CDKL5: variants seen among roughly 807,000 people sequenced by gnomAD.
CDKL5 encodes the protein cyclin dependent kinase like 5.
Under a neutral mutation model 61.7 loss-of-function variants are expected in CDKL5, and 8 were observed. The ratio of observed to expected loss-of-function variants is 0.13; its 90% CI spans 0.08 to 0.23. The LOEUF (loss-of-function observed/expected upper bound fraction) is 0.23. Ranked by LOEUF, CDKL5 falls within the 10% of genes least tolerant of loss-of-function variation. The pLI, the probability that CDKL5 is intolerant of heterozygous loss-of-function variation, is 1.00. For synonymous variants in CDKL5, 275 were observed against 272.3 expected (o/e 1.01, Z -0.10); for missense variants, 440 against 734.5 (o/e 0.60, Z 4.63).
intron 1 of CDKL5, among the ~76,000 whole-genome samples, chrX:18,492,615 C>G (rs1189667403): frequency 9.0e-6 from 1 of 111,508 alleles, no homozygotes; most frequent in Non-Finnish European, 1.9e-5. Context: ...TCCTTGCCTC[C>G]TCTTTCCCTC....
intron 12 of CDKL5, among the ~76,000 whole-genome samples, chrX:18,605,376 T>C (rs1926328512): frequency 8.9e-6 from 1 of 112,453 alleles, no homozygotes; most frequent in Non-Finnish European, 1.9e-5. Flanking sequence ...GGATAAATGT[T>C]AGTTTTCAGT....
At chrX:18,627,471 T>C (rs1173654762) in intron 17 of CDKL5, 1 of 111,673 alleles carries the variant, frequency 9.0e-6, no homozygotes, top group Non-Finnish European at 1.9e-5. Context: ...GTGCTTTCCA[T>C]GTCTCTTCCG....
chrX:18,595,283 C>CA, intron 9 of CDKL5, 65 bp from the exon 10 acceptor site: 1 of 759,882 alleles, frequency 1.3e-6, no homozygotes, highest in Non-Finnish European at 2.1e-6. Context: ...CTGCAACACT[C>CA]ACAAGCACGT....
chrX:18,478,421 G>C (rs759196089), intron 1 of CDKL5, among the ~76,000 whole-genome samples: 7 of 106,952 alleles, frequency 6.5e-5, no homozygotes, highest in African/African-American at 2.0e-4. Context: ...CTCCCAAGTA[G>C]CTGGGATAAC....
chrX:18,537,432 A>G (rs770543992), intron 3 of CDKL5, among the ~76,000 whole-genome samples: 1 of 112,252 alleles, frequency 8.9e-6, no homozygotes, highest in African/African-American at 3.2e-5. Flanking sequence ...CATTAGTAAC[A>G]TCTTGCATAA....
intron 1 of CDKL5, among the ~76,000 whole-genome samples, chrX:18,447,813 T>C (rs1185041440): frequency 1.8e-5 from 2 of 111,717 alleles, no homozygotes; most frequent in Non-Finnish European, 3.8e-5. Context: ...GTTGCACTTA[T>C]ATACAGATGT....
chrX:18,603,987 C>T lies in CDKL5; in HGVS notation c.1063C>T (p.Arg355Trp), dbSNP rs1926258422. ...CCAGAACCTGAGTGTAGGCCTGCCCCGGGCTGACGAAGGTCTCCCTGCCAA... is the reference window on the plus strand; with the variant it reads ...CCAGAACCTGAGTGTAGGCCTGCCCTGGGCTGACGAAGGTCTCCCTGCCAA... ...DIQNLSVGLP[R>W]ADEGLPANES... is the part of the protein sequence containing the mutation. Residue 355 changes from arginine (R) to tryptophan (W), a missense_variant, in exon 12 of 18, where the codon CGG (arginine) becomes TGG (tryptophan). Arg to Trp is a moderately radical substitution (Grantham distance 101). Transcript: ENST00000623535. 8.3e-7 allele frequency: 1 copy of T among 1,210,828 alleles called. No homozygotes were observed.
chrX:18,435,590 A>G lies in CDKL5; in HGVS notation c.-163+9895A>G, dbSNP rs1231874854. Among the ~76,000 whole-genome samples the G allele has an allele frequency of 3.6e-5, 4 of 111,020 alleles. No homozygotes were observed. The Admixed American group carries it at 3.9e-4, about 11-fold the overall frequency. The stretch of plus-strand genomic sequence containing the variant: ...AAATTAATTAATTAATTTTTGAGAC[A>G]GAATCTCACTCTGTCTCCCAGGCTG... On this transcript the variant is annotated intron_variant, in intron 1 of 17. Transcript: ENST00000623535.
intron 3 of CDKL5, among the ~76,000 whole-genome samples, chrX:18,514,707 C>CAA (rs1224243985): frequency 2.8e-4 from 15 of 53,076 alleles, no homozygotes; most frequent in Admixed American, 4.6e-4. Context: ...AACTCCATCT[C>CAA]AAAAAAAAAA....
In CDKL5 at chrX:18,598,522, A is replaced by G. The variant is rs751995225; in HGVS notation, c.886A>G (p.Thr296Ala). 29 of 1,203,272 alleles carry G rather than the reference A, an allele frequency of 2.4e-5. No individual in the cohort carries two copies. The highest frequency in any genetic ancestry group is 2.8e-5 in the Non-Finnish European group (25 of 888,908). The change falls in exon 11 of 18, where the codon ACA becomes GCA. Residue 296 changes from threonine to alanine, a missense_variant. Thr to Ala is a moderately conservative substitution (Grantham distance 58). Transcript: ENST00000623535. ...GACAGAACAGTGTTTGAATCACCCT[A>G]CATTTCAAACCCAGAGACTTCTGGA... is the stretch of plus-strand genomic sequence containing the variant. ...YLTEQCLNHP[T>A]FQTQRLLDRS...
chrX:18,509,482 T>C (rs955808332), intron 2 of CDKL5, among the ~76,000 whole-genome samples: 5 of 111,293 alleles, frequency 4.5e-5, no homozygotes, highest in African/African-American at 1.6e-4. Flanking sequence ...TTCCCAATTT[T>C]GTATCCGTGA....
chrX:18,628,508 C>A lies in CDKL5; in HGVS notation c.2634C>A (p.Pro878=). 8.2e-7 allele frequency: 1 copy of A among 1,212,176 alleles called. No homozygotes were observed. The highest frequency in any genetic ancestry group is 1.8e-5 in the South Asian group (1 of 57,022). The change falls in exon 18 of 18, where the codon CCC becomes CCA. Residue 878 remains proline (P), a synonymous_variant. Coordinates refer to ENST00000623535, the MANE Select transcript of CDKL5 (RefSeq NM_001323289.2). ...KNSFSEIRIH[P]LSQASGGSSN... ...CCTTCTCAGAAATTCGGATTCACCCCCTGAGCCAGGCCTCTGGCGGGAGCA... is the reference window on the plus strand; with the variant it reads ...CCTTCTCAGAAATTCGGATTCACCCACTGAGCCAGGCCTCTGGCGGGAGCA...
At chrX:18,509,246 C>CACACACACACACACACACA (rs1555940191) in intron 2 of CDKL5, among the ~76,000 whole-genome samples, 1 of 97,235 alleles carries the variant, frequency 1.0e-5, no homozygotes, top group Non-Finnish European at 2.1e-5. Context: ...CACACACACA[C>CACACACACACACACACACA]CCCTGTCAAG....
intron 1 of CDKL5, among the ~76,000 whole-genome samples, chrX:18,429,403 C>G (rs898909337): frequency 9.0e-6 from 1 of 111,423 alleles, no homozygotes; most frequent in African/African-American, 3.3e-5. Flanking sequence ...GCATGCCAGA[C>G]ACTGTGACAC....
rs1466570764 is a variant in CDKL5 at position 18,466,650 on chromosome X, A to G, written c.-162-40285A>G. 4.5e-5 allele frequency among the ~76,000 whole-genome samples: 5 copies of G among 111,376 alleles called. No individual in the cohort carries two copies. In the East Asian group the frequency reaches 1.4e-3, roughly 32 times the overall value. On this transcript the variant is annotated intron_variant, in intron 1 of 17. Coordinates refer to ENST00000623535, the MANE Select transcript of CDKL5 (RefSeq NM_001323289.2). ...CTCAGCCTCCCGAGTAGCTGGGACT[A>G]CAGGCACCCGCCACCACGCCCAGAT... is the stretch of plus-strand genomic sequence containing the variant.
chrX:18,630,577 G>A lies in CDKL5; in HGVS notation c.*1820G>A, dbSNP rs188439923. On this transcript the variant is annotated 3_prime_UTR_variant, in exon 18 of 18. Transcript: ENST00000623535. ...GATTATGAAGATTATAAAGACTAAG[G>A]TCCTAGTTTCCCTGAAGCTTAAATT... The A allele has an allele frequency of 1.9e-4, 144 of 748,775 alleles. No homozygotes were observed. The African/African-American group carries it at 3.3e-3, about 17-fold the overall frequency. 61.7% of individuals were successfully genotyped at this position (748,775 alleles called of 1,213,427 possible).
chrX:18,504,932 C>CAA (rs1287470678), intron 1 of CDKL5, among the ~76,000 whole-genome samples: 1 of 41,208 alleles, frequency 2.4e-5, no homozygotes, highest in African/African-American at 8.8e-5. Flanking sequence ...AACTCCGTCT[C>CAA]AAAAAAAAAA....
intron 15 of CDKL5, among the ~76,000 whole-genome samples, chrX:18,617,984 T>G (rs1403237496): frequency 9.0e-6 from 1 of 111,629 alleles, no homozygotes; most frequent in Non-Finnish European, 1.9e-5. Flanking sequence ...ACCCTCCCCT[T>G]CTCACTTTCA....
chrX:18,630,107 C>T lies in CDKL5; in HGVS notation c.*1350C>T, dbSNP rs973419698. 3.2e-5 allele frequency: 24 copies of T among 751,872 alleles called. No individual in the cohort carries two copies. The highest frequency in any genetic ancestry group is 3.3e-5 in the Non-Finnish European group (21 of 638,866). 62.0% of individuals were successfully genotyped at this position (751,872 alleles called of 1,213,427 possible). A position where few individuals can be genotyped will look rare whatever the true frequency, so the allele number is the denominator to read the frequency against. ...TATTTAAAAGGCTCCTGGAGCAATT[C>T]CAGATAGATAAAAAATTACTCTATC... On this transcript the variant is annotated 3_prime_UTR_variant, in exon 18 of 18. Coordinates refer to ENST00000623535, the MANE Select transcript of CDKL5 (RefSeq NM_001323289.2).
Sources: allele counts gnomAD v4.1 joint callset (sites outside exome capture counted in the v4.1 genomes callset), GRCh38; gene constraint gnomAD v4.1.1; transcripts MANE v1.5; gene names NCBI Gene and HGNC (gene_info 2026-07-23, HGNC 2026-07-21).